COL21A1: variants seen among roughly 807,000 people sequenced by gnomAD.
COL21A1 encodes collagen alpha-1(XXI) chain.
COL21A1 carries 149 observed loss-of-function variants against 137.9 expected under a neutral mutation model. That is an observed-to-expected ratio of 1.08 (90% CI 0.95 to 1.24). COL21A1 has a LOEUF of 1.24. Ranked by LOEUF, COL21A1 falls within the 50% of genes most tolerant of loss-of-function variation. COL21A1 has a pLI of 0.00. For synonymous variants in COL21A1, 456 were observed against 391.5 expected, an observed-to-expected ratio of 1.16 and a Z score of -1.95; for missense variants, 1,167 against 1,158.4, an observed-to-expected ratio of 1.01 and a Z score of -0.11.
chr6:56,334,301 A>G (rs1765293194), intron 1 of COL21A1, among the ~76,000 whole-genome samples: 1 of 152,056 alleles, frequency 6.6e-6, no homozygotes, highest in African/African-American at 2.4e-5. Flanking sequence ...AGGCTGCCCA[A>G]TCCCAGACCT....
rs141001293 is a variant in COL21A1, at chr6:56,093,416, C to T, written c.1812+8056G>A. The stretch of plus-strand genomic sequence containing the variant: ...TATGATCCATCCTAGGACAATATCC[C>T]TTTCCATCTGTGAACCTATAGACTA... On this transcript the variant is annotated intron_variant, in intron 17 of 29. Coordinates refer to ENST00000244728, the MANE Select transcript of COL21A1 (RefSeq NM_030820.4). 3.2e-3 allele frequency among the ~76,000 whole-genome samples: 485 copies of T among 152,232 alleles called. 1 individual carries two copies. The highest frequency in any genetic ancestry group is 0.011 in the African/African-American group (443 of 41,520).
Position 56,160,241 on chromosome 6 carries a change from A to C in COL21A1, c.1372-3292T>G, listed in dbSNP as rs1582518259. On this transcript the variant is annotated intron_variant, in intron 9 of 29. Transcript: ENST00000244728. The stretch of plus-strand genomic sequence containing the variant: ...CAACCTTTATTGACTGTTATGTGCT[A>C]AGCACTGGTCCAACAGATTTGCATA... Among the ~76,000 whole-genome samples, 3 of 152,366 alleles carry C rather than the reference A, an allele frequency of 2.0e-5. 1 individual carries two copies. The highest frequency in any genetic ancestry group is 3.4e-3 in the Middle Eastern group (1 of 294).
intron 5 of COL21A1, among the ~76,000 whole-genome samples, chr6:56,170,153 T>A (rs1041226833): frequency 2.0e-4 from 30 of 151,892 alleles, no homozygotes; most frequent in Non-Finnish European, 4.0e-4. Flanking sequence ...TAAATTAAGG[T>A]AAATTTCATA....
chr6:56,138,356 T>A (rs1298956603), intron 12 of COL21A1, among the ~76,000 whole-genome samples: 2 of 150,586 alleles, frequency 1.3e-5, no homozygotes, highest in African/African-American at 2.4e-5. Context: ...TCCATATATG[T>A]TTATACTTCT....
intron 9 of COL21A1, among the ~76,000 whole-genome samples, chr6:56,159,077 G>T (rs1191241828): frequency 6.6e-6 from 1 of 152,062 alleles, no homozygotes; most frequent in African/African-American, 2.4e-5. Flanking sequence ...TGTGCTGATT[G>T]GACTTGCTGC....
chr6:56,282,777 G>A (rs1763811938), intron 1 of COL21A1, among the ~76,000 whole-genome samples: 1 of 152,176 alleles, frequency 6.6e-6, no homozygotes, highest in African/African-American at 2.4e-5. Flanking sequence ...ACTTTACCTG[G>A]ATGATAGATT....
intron 12 of COL21A1, among the ~76,000 whole-genome samples, chr6:56,127,714 A>T (rs2152216203): frequency 6.6e-6 from 1 of 152,298 alleles, no homozygotes; most frequent in Middle Eastern, 3.4e-3. Flanking sequence ...GTGAAGTCTG[A>T]TTCCTGAACA....
chr6:56,298,176 A>G (rs370403455), intron 1 of COL21A1, among the ~76,000 whole-genome samples: 1 of 151,990 alleles, frequency 6.6e-6, no homozygotes, highest in African/African-American at 2.4e-5. Context: ...GCCAAGTCCA[A>G]TGGTGAAGGG....
At chr6:56,095,571 C>G (rs1266792153) in intron 17 of COL21A1, among the ~76,000 whole-genome samples, 1 of 152,194 alleles carries the variant, frequency 6.6e-6, no homozygotes. Context: ...TGGCCTCTAT[C>G]TATCCCTAAA....
At chr6:56,367,259 G>A (rs1049498756) in intron 1 of COL21A1, among the ~76,000 whole-genome samples, 2 of 152,128 alleles carry the variant, frequency 1.3e-5, no homozygotes, top group African/African-American at 4.8e-5. Context: ...CCTCCTGGCT[G>A]GTAGAATCTC....
At chr6:56,248,524 T>C (rs1782761650), upstream of COL21A1, among the ~76,000 whole-genome samples, 1 of 152,216 alleles carries the variant, frequency 6.6e-6, no homozygotes, top group African/African-American at 2.4e-5. Context: ...TCATTGCTTG[T>C]GTGTGTTTCC....
intron 1 of COL21A1, chr6:56,276,583 A>G: frequency 7.2e-7 from 1 of 1,394,738 alleles, no homozygotes; most frequent in Non-Finnish European, 1.0e-6. Flanking sequence ...CCTCCTGGAC[A>G]TCAGAGAGAA....
intron 16 of COL21A1, among the ~76,000 whole-genome samples, chr6:56,120,917 G>C (rs1172267645): frequency 6.6e-6 from 1 of 152,096 alleles, no homozygotes; most frequent in East Asian, 1.9e-4. Flanking sequence ...CTGCACTTCT[G>C]TGTTTCTGGC....
At chr6:56,153,089 G>A (rs1363101992) in intron 10 of COL21A1, among the ~76,000 whole-genome samples, 1 of 152,180 alleles carries the variant, frequency 6.6e-6, no homozygotes, top group Non-Finnish European at 1.5e-5. Context: ...AGTGAGAAAG[G>A]AATGGGTTAT....
At chr6:56,118,719 ATCAT>A (rs1342957152) in intron 16 of COL21A1, among the ~76,000 whole-genome samples, 13 of 152,190 alleles carry the variant, frequency 8.5e-5, no homozygotes, top group African/African-American at 3.1e-4. Context: ...TATTAGAAAG[ATCAT>A]TCATCACAAC....
intron 1 of COL21A1, among the ~76,000 whole-genome samples, chr6:56,201,653 T>A (rs956144736): frequency 6.6e-6 from 1 of 152,278 alleles, no homozygotes; most frequent in East Asian, 1.9e-4. Context: ...TTCATTTGTA[T>A]GTGTCTTTAT....
At chr6:56,211,890 C>T (rs6939632) in intron 1 of COL21A1, among the ~76,000 whole-genome samples, 114,209 of 151,980 alleles carry the variant, frequency 0.75, 43,590 homozygotes, top group African/African-American at 0.88. Flanking sequence ...TCATTGCATA[C>T]GTCAGCAATT....
At chr6:56,069,754 T>C (rs1766583206) in intron 21 of COL21A1, among the ~76,000 whole-genome samples, 2 of 150,698 alleles carry the variant, frequency 1.3e-5, no homozygotes, top group Admixed American at 6.6e-5. Flanking sequence ...TATGGAAGAG[T>C]ATCCATATTT....
At chr6:56,200,143 C>A (rs1779285902) in intron 1 of COL21A1, among the ~76,000 whole-genome samples, 1 of 152,090 alleles carries the variant, frequency 6.6e-6, no homozygotes, top group Admixed American at 6.6e-5. Flanking sequence ...GTCCCAGGAA[C>A]AGAAAGGTCA....
Sources: allele counts gnomAD v4.1 joint callset (sites outside exome capture counted in the v4.1 genomes callset), GRCh38; gene constraint gnomAD v4.1.1; transcripts MANE v1.5; gene names NCBI Gene and HGNC (gene_info 2026-07-23, HGNC 2026-07-21).